KANSL1: variants seen among roughly 807,000 people sequenced by gnomAD.
KANSL1 encodes the protein KAT8 regulatory NSL complex subunit 1, also known as MLL1/MLL complex subunit KANSL1.
KANSL1 carries 22 observed loss-of-function variants against 103.6 expected under a neutral mutation model. The observed-to-expected ratio is 0.21, with a 90% confidence interval of 0.15 to 0.30. The LOEUF (loss-of-function observed/expected upper bound fraction) is 0.30. Among genes scored for constraint, KANSL1 ranks in the 10% least tolerant of loss-of-function variants. The probability of loss-of-function intolerance (pLI) is 1.00; values close to 1 mark genes in which losing one functional copy is unlikely to be tolerated. For missense variants in KANSL1, 1,337 were observed against 1,399.8 expected (o/e 0.96, Z 0.72); for synonymous variants, 600 against 527.6 (o/e 1.14, Z -1.88).
At chr17:46,070,996 ATGTCAAGT>A (rs2146699974) in intron 4 of KANSL1, among the ~76,000 whole-genome samples, 1 of 152,326 alleles carries the variant, frequency 6.6e-6, no homozygotes, top group Admixed American at 6.5e-5. Context: ...AAAGAAGAAT[ATGTCAAGT>A]AAAATCACCA....
At chr17:46,067,715 C>G in intron 4 of KANSL1, 48 bp from the exon 5 acceptor site, 1 of 964,566 alleles carries the variant, frequency 1.0e-6, no homozygotes, top group Non-Finnish European at 1.7e-6. Context: ...CCAAGCGCAC[C>G]CCTGCCTGAA....
At chr17:46,082,185 A>G (rs552887566) in intron 4 of KANSL1, among the ~76,000 whole-genome samples, 2 of 152,248 alleles carry the variant, frequency 1.3e-5, no homozygotes, top group South Asian at 4.1e-4. Flanking sequence ...GATACTCCCT[A>G]AAGCCTTACT....
intron 7 of KANSL1, among the ~76,000 whole-genome samples, chr17:46,046,840 T>TAAAAAAAA (rs36102082): frequency 2.5e-5 from 3 of 118,680 alleles, no homozygotes; most frequent in Admixed American, 9.1e-5. Context: ...GTCTCAAAAG[T>TAAAAAAAA]AAAAAAAAAA....
chr17:46,103,889 G>T (rs1475975710), intron 2 of KANSL1, among the ~76,000 whole-genome samples: 1 of 152,198 alleles, frequency 6.6e-6, no homozygotes, highest in South Asian at 2.1e-4. Context: ...TTGGCCAGGC[G>T]TGGTGGCCTG....
rs1297046144 is a variant in KANSL1 at position 46,171,479 on chromosome 17, A to G, written c.665T>C (p.Leu222Ser). 6 of 1,614,026 alleles carry G rather than the reference A, an allele frequency of 3.7e-6. No homozygotes were observed. The highest frequency in any genetic ancestry group is 3.3e-5 in the South Asian group (3 of 91,092). Residue 222 changes from leucine (L) to serine (S), a missense_variant, in exon 2 of 15, where the codon TTG (leucine) becomes TCG (serine). By Grantham distance (145) the Leu-to-Ser change is moderately radical (BLOSUM62 -2). Coordinates refer to ENST00000432791, the MANE Select transcript of KANSL1 (RefSeq NM_015443.4). ...GTTTGCAGTGCTATTATTGCTATAC[A>G]AAGTTGTGTGTTCTACATCAAGGCT... The part of the protein sequence containing the change: ...HRSLDVEHTT[L>S]YSNNSTANKS...
intron 6 of KANSL1, among the ~76,000 whole-genome samples, chr17:46,060,011 A>G (rs919928565): frequency 7.5e-5 from 11 of 147,354 alleles, no homozygotes; most frequent in Non-Finnish European, 1.5e-4. Flanking sequence ...CTGCATCTCA[A>G]TAAAATAATG....
At chr17:46,074,993 TC>T (rs1471178739) in intron 4 of KANSL1, among the ~76,000 whole-genome samples, 3 of 152,096 alleles carry the variant, frequency 2.0e-5, no homozygotes, top group South Asian at 4.1e-4. Context: ...ATGCGTAACC[TC>T]TAATAATGAG....
At chr17:46,160,970 CTA>C (rs1458819484) in intron 2 of KANSL1, among the ~76,000 whole-genome samples, 1 of 152,156 alleles carries the variant, frequency 6.6e-6, no homozygotes, top group Non-Finnish European at 1.5e-5. Flanking sequence ...TTAAAATTAT[CTA>C]TCTCATTGTA....
At chr17:46,119,596 C>T (rs1028831220) in intron 2 of KANSL1, among the ~76,000 whole-genome samples, 2 of 152,046 alleles carry the variant, frequency 1.3e-5, no homozygotes, top group African/African-American at 2.4e-5. Context: ...CGTGAGCCAC[C>T]ACACCCGGCC....
chr17:46,138,688 T>C (rs981276240), intron 2 of KANSL1, among the ~76,000 whole-genome samples: 1 of 152,282 alleles, frequency 6.6e-6, no homozygotes, highest in East Asian at 1.9e-4. Context: ...CATCTAGTTG[T>C]GTGAATACAT....
At chr17:46,182,603 G>A (rs1034584145) in intron 1 of KANSL1, among the ~76,000 whole-genome samples, 46 of 152,320 alleles carry the variant, frequency 3.0e-4, no homozygotes, top group Middle Eastern at 6.8e-3. Flanking sequence ...TGCAGGATAG[G>A]TTATTACAAA....
intron 2 of KANSL1, chr17:46,121,319 C>A (rs1468247633): frequency 6.6e-6 from 1 of 152,464 alleles, no homozygotes; most frequent in Non-Finnish European, 1.5e-5. Context: ...CCTGTCTCCA[C>A]CTACCTCAGT....
At chr17:46,105,891 A>C (rs2042520063) in intron 2 of KANSL1, among the ~76,000 whole-genome samples, 1 of 121,270 alleles carries the variant, frequency 8.2e-6, no homozygotes, top group Non-Finnish European at 2.0e-5. Context: ...ACACACACAC[A>C]CAGAGCAAGG....
chr17:46,217,918 T>G (rs1047699081), intron 1 of KANSL1, among the ~76,000 whole-genome samples: 2 of 152,144 alleles, frequency 1.3e-5, no homozygotes, highest in Admixed American at 6.5e-5. Flanking sequence ...CCCAGCTACT[T>G]AGGAGGCTAA....
upstream of KANSL1, chr17:46,196,018 G>A: frequency 8.9e-6 from 2 of 224,688 alleles, no homozygotes; most frequent in South Asian, 4.6e-5. Flanking sequence ...GAGGTGGGAG[G>A]ATCACTTGAG....
At chr17:46,195,898 G>C (rs2696439), upstream of KANSL1, among the ~76,000 whole-genome samples, 1 of 151,986 alleles carries the variant, frequency 6.6e-6, no homozygotes, top group South Asian at 2.1e-4. Flanking sequence ...TGTCCAAAAG[G>C]CTGATTGAAA....
At chr17:46,214,515 G>A (rs573019614) in intron 1 of KANSL1, among the ~76,000 whole-genome samples, 26 of 152,288 alleles carry the variant, frequency 1.7e-4, no homozygotes, top group African/African-American at 5.1e-4. Context: ...TTAGCTGGGC[G>A]TGGTGGCAGG....
At chr17:46,213,989 C>T (rs953226275) in intron 1 of KANSL1, among the ~76,000 whole-genome samples, 1 of 152,030 alleles carries the variant, frequency 6.6e-6, no homozygotes, top group African/African-American at 2.4e-5. Flanking sequence ...GCCAAATATA[C>T]TACCTGGCAC....
At chr17:46,054,468 ATCC>A (rs1313857249) in intron 6 of KANSL1, among the ~76,000 whole-genome samples, 2 of 152,166 alleles carry the variant, frequency 1.3e-5, no homozygotes, top group South Asian at 2.1e-4. Flanking sequence ...CTCCTAACTG[ATCC>A]TCCTCCTACT....
Sources: gnomAD v4.1 joint callset for allele counts (sites outside exome capture counted in the v4.1 genomes callset) on GRCh38, gnomAD v4.1.1 for gene constraint, MANE v1.5 for transcripts, NCBI Gene and HGNC (gene_info 2026-07-23, HGNC 2026-07-21) for gene names.